The following LRBA variants were observed in gnomAD, a reference collection of about 807,000 sequenced individuals.
LRBA encodes lipopolysaccharide-responsive and beige-like anchor protein.
LRBA carries 176 observed loss-of-function variants against 330.0 expected under a neutral mutation model. That is an observed-to-expected ratio of 0.53 (90% CI 0.47 to 0.60). The LOEUF (loss-of-function observed/expected upper bound fraction) is 0.60. LRBA is among the 20% of genes least tolerant of loss of function. LRBA has a pLI of 0.00. For missense variants in LRBA, 3,259 were observed against 3,444.8 expected, an observed-to-expected ratio of 0.95 and a Z score of 1.35; for synonymous variants, 1,230 against 1,193.0, an observed-to-expected ratio of 1.03 and a Z score of -0.64.
intron 40 of LRBA, among the ~76,000 whole-genome samples, chr4:150,572,700 C>T (rs1010273089): frequency 9.2e-5 from 14 of 152,100 alleles, no homozygotes; most frequent in Non-Finnish European, 2.9e-5. Flanking sequence ...ACTCCTCAAC[C>T]TAAACCTCCA....
intron 17 of LRBA, among the ~76,000 whole-genome samples, chr4:150,877,081 G>C (rs925650932): frequency 6.6e-6 from 1 of 151,574 alleles, no homozygotes; most frequent in Admixed American, 6.6e-5. Flanking sequence ...GTGAAACCCC[G>C]TCTTTACTAA....
chr4:150,618,520 C>T (rs956306924), intron 37 of LRBA, among the ~76,000 whole-genome samples: 7 of 151,986 alleles, frequency 4.6e-5, no homozygotes, highest in African/African-American at 1.7e-4. Flanking sequence ...CTTTCAACTC[C>T]TAATCTTTGG....
intron 42 of LRBA, among the ~76,000 whole-genome samples, chr4:150,478,666 A>G (rs1756975723): frequency 6.6e-6 from 1 of 152,206 alleles, no homozygotes; most frequent in Non-Finnish European, 1.5e-5. Context: ...AACATTTCTT[A>G]GAACACTAGA....
At chr4:150,271,328 T>C (rs1453883895) in intron 56 of LRBA, among the ~76,000 whole-genome samples, 1 of 151,286 alleles carries the variant, frequency 6.6e-6, no homozygotes, top group Non-Finnish European at 1.5e-5. Flanking sequence ...TTTTTTTTTT[T>C]CATACCCCAG....
At chr4:150,294,227 A>G (rs1728688929) in intron 53 of LRBA, among the ~76,000 whole-genome samples, 2 of 152,212 alleles carry the variant, frequency 1.3e-5, no homozygotes, top group Admixed American at 1.3e-4. Flanking sequence ...AAAATACAAA[A>G]TCTTACCATG....
intron 44 of LRBA, among the ~76,000 whole-genome samples, chr4:150,445,375 CTCTATATATATATATATATA>C (rs1392403505): frequency 7.2e-5 from 6 of 82,974 alleles, no homozygotes; most frequent in African/African-American, 2.7e-4. Context: ...CTCTCTCTCT[CTCTATATATATATATATATA>C]TATATATATA....
chr4:150,846,585 AG>A (rs555216970), intron 26 of LRBA, among the ~76,000 whole-genome samples: 124 of 151,880 alleles, frequency 8.2e-4, no homozygotes, highest in African/African-American at 2.4e-3. Context: ...TGAGGGGGTG[AG>A]GGGGGTCTGA....
At chr4:150,346,476 C>T (rs1736321171) in intron 48 of LRBA, among the ~76,000 whole-genome samples, 1 of 151,878 alleles carries the variant, frequency 6.6e-6, no homozygotes, top group Non-Finnish European at 1.5e-5. Flanking sequence ...AAAAACTTAT[C>T]TGTGGCCGGG....
intron 22 of LRBA, among the ~76,000 whole-genome samples, chr4:150,854,276 C>A (rs1382777888): frequency 6.6e-6 from 1 of 152,114 alleles, no homozygotes; most frequent in Non-Finnish European, 1.5e-5. Context: ...ACTTAGAAAT[C>A]TTTTTATAAT....
chr4:150,283,685 A>T (rs1346397612), intron 54 of LRBA, among the ~76,000 whole-genome samples: 1 of 152,212 alleles, frequency 6.6e-6, no homozygotes, highest in Non-Finnish European at 1.5e-5. Flanking sequence ...GCATGCATGA[A>T]TTTCAGTTAT....
intron 54 of LRBA, among the ~76,000 whole-genome samples, chr4:150,283,823 G>A (rs1747839847): frequency 6.6e-6 from 1 of 152,102 alleles, no homozygotes; most frequent in African/African-American, 2.4e-5. Context: ...TAACAGATGT[G>A]CATCATCATC....
intron 38 of LRBA, among the ~76,000 whole-genome samples, chr4:150,592,154 T>TG (rs1772952127): frequency 7.0e-6 from 1 of 142,326 alleles, no homozygotes; most frequent in East Asian, 2.1e-4. Context: ...GTTTTTTTTT[T>TG]TTTTTTTTTT....
At chr4:150,425,181 C>T (rs888682271) in intron 46 of LRBA, among the ~76,000 whole-genome samples, 3 of 152,122 alleles carry the variant, frequency 2.0e-5, no homozygotes, top group African/African-American at 7.2e-5. Context: ...AAAGATTATG[C>T]CTTTCTAATA....
chr4:150,840,215 A>G (rs1748856102), intron 28 of LRBA, among the ~76,000 whole-genome samples: 1 of 152,228 alleles, frequency 6.6e-6, no homozygotes, highest in South Asian at 2.1e-4. Context: ...TTTACTTCTT[A>G]TCAGTCATTT....
intron 40 of LRBA, among the ~76,000 whole-genome samples, chr4:150,492,710 TTATGACTGCATAAAGCCTCA>T (rs1378457760): frequency 6.6e-6 from 1 of 152,182 alleles, no homozygotes; most frequent in Non-Finnish European, 1.5e-5. Context: ...CTTAAGCTCT[TTATGACTGCATAAAGCCTCA>T]TATCTGGGAC....
At chr4:150,415,892 T>C (rs913536184) in intron 46 of LRBA, among the ~76,000 whole-genome samples, 9 of 152,198 alleles carry the variant, frequency 5.9e-5, no homozygotes, top group African/African-American at 9.6e-5. Context: ...TTTGACAAGA[T>C]ATAAACATAA....
At chr4:150,888,473 G>A (rs7693278) in intron 17 of LRBA, among the ~76,000 whole-genome samples, 106,171 of 151,972 alleles carry the variant, frequency 0.7, 42,921 homozygotes, top group Non-Finnish European at 0.91. Context: ...GTCTGGAGGC[G>A]CTTATGTATA....
chr4:150,346,783 A>AAAAAAAAAAAAAAAAAAAAAC (rs1736408222), intron 48 of LRBA, among the ~76,000 whole-genome samples: 4 of 133,470 alleles, frequency 3.0e-5, no homozygotes, highest in African/African-American at 1.0e-4. Context: ...AAAAAAAAAA[A>AAAAAAAAAAAAAAAAAAAAAC]AAAACACTTA....
chr4:150,928,459 G>T, intron 4 of LRBA, 57 bp downstream of exon 4: 2 of 1,003,632 alleles, frequency 2.0e-6, no homozygotes, highest in East Asian at 2.4e-5. Flanking sequence ...TACAAGCTAC[G>T]AATGTGTTTG....
Sources: allele counts gnomAD v4.1 joint callset (sites outside exome capture counted in the v4.1 genomes callset), GRCh38; gene constraint gnomAD v4.1.1; transcripts MANE v1.5; gene names NCBI Gene and HGNC (gene_info 2026-07-23, HGNC 2026-07-21).